POLDIP3: variants seen among roughly 807,000 people sequenced by gnomAD.
POLDIP3 encodes the protein polymerase delta-interacting protein 3.
Under a neutral mutation model 45.1 loss-of-function variants are expected in POLDIP3, and 14 were observed. The observed-to-expected ratio is 0.31, with a 90% CI of 0.20 to 0.49. The LOEUF is 0.49. Ranked by LOEUF, POLDIP3 falls within the 20% of genes least tolerant of loss-of-function variation. POLDIP3 has a pLI of 0.99. For synonymous variants in POLDIP3, 223 were observed against 205.2 expected (o/e 1.09, Z -0.74); for missense variants, 511 against 538.8 (o/e 0.95, Z 0.51).
intron 6 of POLDIP3, 70 bp from the exon 7 acceptor site, chr22:42,592,154 G>T: frequency 6.3e-7 from 1 of 1,593,360 alleles, no homozygotes; most frequent in South Asian, 1.1e-5. Context: ...CACTCTGAAG[G>T]CCCTGGGGTG....
Position 42,603,034 on chromosome 22 carries a change from G to A in POLDIP3, c.186C>T (p.Leu62=). 1.2e-6 allele frequency: 2 copies of A among 1,614,154 alleles called. No homozygotes were observed. The highest frequency in any genetic ancestry group is 1.7e-6 in the Non-Finnish European group (2 of 1,180,008). ...CTCCCAGTTTGAGCCGGGCATCTGA[G>A]AGGCCAATCTTCTGCCGGGCATCAA... ...QRFDARQKIG[L]SDARLKLGVK... The change falls in exon 2 of 9, where the codon CTC becomes CTT. Residue 62 remains leucine, a synonymous_variant. Coordinates refer to ENST00000252115, the MANE Select transcript of POLDIP3 (RefSeq NM_032311.5).
At chr22:42,601,362 AAAAAC>A (rs1358420840) in intron 3 of POLDIP3, among the ~76,000 whole-genome samples, 4 of 151,988 alleles carry the variant, frequency 2.6e-5, no homozygotes, top group Admixed American at 6.6e-5. Flanking sequence ...AAAAGGAAAA[AAAAAC>A]AAAACAAAAG....
At chr22:42,611,951 C>A (rs970562677) in intron 1 of POLDIP3, among the ~76,000 whole-genome samples, 2 of 152,182 alleles carry the variant, frequency 1.3e-5, no homozygotes, top group African/African-American at 2.4e-5. Flanking sequence ...TTGTTCAGAT[C>A]TTTCACATTA....
At chr22:42,592,192 C>G in intron 6 of POLDIP3, 108 bp from the exon 7 acceptor site, 1 of 1,518,936 alleles carries the variant, frequency 6.6e-7, no homozygotes, top group South Asian at 1.2e-5. Context: ...CTAAATGCGC[C>G]CTGCGCCTGA....
intron 7 of POLDIP3, among the ~76,000 whole-genome samples, chr22:42,587,784 G>C (rs1178630941): frequency 6.6e-6 from 1 of 152,182 alleles, no homozygotes; most frequent in South Asian, 2.1e-4. Flanking sequence ...AGCACCAAGA[G>C]GCAAAGTGGC....
In POLDIP3 at chr22:42,585,313, C is replaced by T. The variant is rs762977122; in HGVS notation, c.*478G>A. On this transcript the variant is annotated 3_prime_UTR_variant, in exon 9 of 9. Transcript: ENST00000252115. ...CAGAGGAGCGGCACAGCTCTCAGGCCGACCTGGCTCCCGTCAGGACACCAG... is the reference window on the plus strand; with the variant it reads ...CAGAGGAGCGGCACAGCTCTCAGGCTGACCTGGCTCCCGTCAGGACACCAG... The T allele has an allele frequency of 4.4e-5, 22 of 502,548 alleles. No homozygotes were observed. Among genetic ancestry groups the T allele is most frequent in the East Asian group, 2.3e-4 (4 of 17,656 alleles). 31.1% of individuals were successfully genotyped at this position (502,548 alleles called of 1,614,324 possible). A position where few individuals can be genotyped will look rare whatever the true frequency, so the allele number is the denominator to read the frequency against.
chr22:42,606,336 C>T (rs1309294399), intron 1 of POLDIP3, among the ~76,000 whole-genome samples: 1 of 151,348 alleles, frequency 6.6e-6, no homozygotes, highest in African/African-American at 2.4e-5. Flanking sequence ...GCACGGGCAA[C>T]ATAGCGAGAC....
chr22:42,608,358 G>A (rs1420178113), intron 1 of POLDIP3, among the ~76,000 whole-genome samples: 2 of 150,094 alleles, frequency 1.3e-5, no homozygotes, highest in Admixed American at 6.7e-5. Flanking sequence ...AGGAGGTCCA[G>A]GCTGCAGTGA....
rs1322352632 is a variant in POLDIP3 at position 42,585,266 on chromosome 22, C to G, written c.*525G>C. On this transcript the variant is annotated 3_prime_UTR_variant, in exon 9 of 9. Coordinates refer to ENST00000252115, the MANE Select transcript of POLDIP3 (RefSeq NM_032311.5). Reference sequence around the variant, plus strand: ...AAGAGGCCTGAGACCTGCTCCCCACCCAGGCACCTCCACTGACAAGACAGA... The same window carrying G: ...AAGAGGCCTGAGACCTGCTCCCCACGCAGGCACCTCCACTGACAAGACAGA... The G allele has an allele frequency of 1.9e-6, 1 of 515,504 alleles. No individual in the cohort carries two copies. Among genetic ancestry groups the G allele is most frequent in the Non-Finnish European group, 3.9e-6 (1 of 258,554 alleles). 31.9% of individuals were successfully genotyped at this position (515,504 alleles called of 1,614,324 possible).
rs1925184155 is a variant in POLDIP3 at position 42,584,713 on chromosome 22, A to T, written c.*1078T>A. 2.8e-6 allele frequency: 1 copy of T among 359,908 alleles called. No homozygotes were observed. Among genetic ancestry groups the T allele is most frequent in the Admixed American group, 3.8e-5 (1 of 26,624 alleles). The allele number at this position is 359,908 out of a possible 1,614,324, so 22.3% of individuals were successfully genotyped here. Reference sequence around the variant, plus strand: ...CTCCCTTGACTCCTCCTCCTCTGCCAAGGCAGGAAAATAATCCTCTGGTCA... The same window carrying T: ...CTCCCTTGACTCCTCCTCCTCTGCCTAGGCAGGAAAATAATCCTCTGGTCA... On this transcript the variant is annotated 3_prime_UTR_variant, in exon 9 of 9. Coordinates refer to ENST00000252115, the MANE Select transcript of POLDIP3 (RefSeq NM_032311.5).
At chr22:42,608,458 C>T (rs1926914096) in intron 1 of POLDIP3, among the ~76,000 whole-genome samples, 2 of 151,980 alleles carry the variant, frequency 1.3e-5, no homozygotes, top group Non-Finnish European at 1.5e-5. Context: ...AAAAAACCAC[C>T]ACCACCAAAA....
At chr22:42,607,688 G>C (rs1027615699) in intron 1 of POLDIP3, among the ~76,000 whole-genome samples, 1 of 146,444 alleles carries the variant, frequency 6.8e-6, no homozygotes, top group South Asian at 2.2e-4. Flanking sequence ...GCCGTCCATC[G>C]TCTGAGATGT....
intron 1 of POLDIP3, among the ~76,000 whole-genome samples, chr22:42,611,451 G>C (rs1323440908): frequency 6.6e-6 from 1 of 152,256 alleles, no homozygotes; most frequent in Non-Finnish European, 1.5e-5. Context: ...GGTGGGGAAA[G>C]AGGTTATTTA....
intron 7 of POLDIP3, among the ~76,000 whole-genome samples, chr22:42,588,944 T>G (rs563273880): frequency 6.6e-6 from 1 of 151,990 alleles, no homozygotes; most frequent in Non-Finnish European, 1.5e-5. Flanking sequence ...GAGAAAAAGA[T>G]TGAAAGTAAG....
rs745759930 is a variant in POLDIP3, at chr22:42,596,154, C to A, written c.813+32G>T. 76 of 1,609,262 alleles carry A rather than the reference C, an allele frequency of 4.7e-5. 2 individuals are homozygous for A. The South Asian group carries it at 7.7e-4, about 16-fold the overall frequency. On this transcript the variant is annotated intron_variant, in intron 5 of 8. Transcript: ENST00000252115. ...CATATAAGCATACAGCCCTCCTGAC[C>A]CCAACTGCTGCAGTCACCACCATCA... is the stretch of plus-strand genomic sequence containing the variant.
rs962541929 is a variant in POLDIP3 at position 42,585,366 on chromosome 22, A to G, written c.*425T>C. 4.6e-6 allele frequency: 2 copies of G among 432,190 alleles called. No homozygotes were observed. Among genetic ancestry groups the G allele is most frequent in the Non-Finnish European group, 9.3e-6 (2 of 216,012 alleles). The allele number at this position is 432,190 out of a possible 1,614,324, so 26.8% of individuals were successfully genotyped here. ...CTCTCCATCCCCTCCATTGTTTGAA[A>G]AGCTTAATACACACAAAGGAAAGGC... On this transcript the variant is annotated 3_prime_UTR_variant, in exon 9 of 9. Coordinates refer to ENST00000252115, the MANE Select transcript of POLDIP3 (RefSeq NM_032311.5).
intron 1 of POLDIP3, among the ~76,000 whole-genome samples, chr22:42,605,304 T>G (rs2146828138): frequency 6.6e-6 from 1 of 152,326 alleles, no homozygotes; most frequent in Non-Finnish European, 1.5e-5. Context: ...ATTTTTTGCA[T>G]TTTTAGTAAA....
chr22:42,585,716 T>G lies in POLDIP3; in HGVS notation c.*75A>C. 1.1e-5 allele frequency: 16 copies of G among 1,484,566 alleles called. No homozygotes were observed. The highest frequency in any genetic ancestry group is 2.6e-5 in the South Asian group (2 of 77,190). 92.0% of individuals were successfully genotyped at this position (1,484,566 alleles called of 1,614,324 possible). On this transcript the variant is annotated 3_prime_UTR_variant, in exon 9 of 9. Coordinates refer to ENST00000252115, the MANE Select transcript of POLDIP3 (RefSeq NM_032311.5). ...CAGGGGTCTCCAGTCCGATGGCCCA[T>G]TGGTCATAAGCTTTGCCTTGGGGAA...
At chr22:42,610,384 C>A (rs1183755834) in intron 1 of POLDIP3, among the ~76,000 whole-genome samples, 1 of 152,128 alleles carries the variant, frequency 6.6e-6, no homozygotes, top group Non-Finnish European at 1.5e-5. Flanking sequence ...GCAAAGTTTA[C>A]AATCCACCCT....
Sources: gnomAD v4.1 joint callset for allele counts (sites outside exome capture counted in the v4.1 genomes callset) on GRCh38, gnomAD v4.1.1 for gene constraint, MANE v1.5 for transcripts, NCBI Gene and HGNC (gene_info 2026-07-23, HGNC 2026-07-21) for gene names.